Variants in ZNF644 observed in about 807,000 individuals in gnomAD.
The protein encoded by ZNF644 is zinc finger protein 644, also known as zinc finger motif enhancer binding protein 2.
In ZNF644, 20 loss-of-function variants were observed where a neutral mutation model predicts 108.0. The observed-to-expected ratio is 0.19, with a 90% CI of 0.13 to 0.27. The LOEUF is 0.27. ZNF644 is among the 10% of genes least tolerant of loss of function. The pLI is 1.00. For missense variants in ZNF644, 1,338 were observed against 1,548.9 expected (o/e 0.86, Z 2.29); for synonymous variants, 542 against 539.1 (o/e 1.01, Z -0.08).
At chr1:90,972,119 TAAAC>T (rs538176238) in intron 2 of ZNF644, among the ~76,000 whole-genome samples, 314 of 152,106 alleles carry the variant, frequency 2.1e-3, no homozygotes, top group African/African-American at 7.3e-3. Flanking sequence ...AGACTCTGTC[TAAAC>T]AAACAAACAA....
chr1:90,937,771 A>G lies in ZNF644; in HGVS notation c.3402T>C (p.Thr1134=), dbSNP rs142402770. 3.7e-6 allele frequency: 6 copies of G among 1,613,788 alleles called. No individual in the cohort carries two copies. Among genetic ancestry groups the G allele is most frequent in the Non-Finnish European group, 4.2e-6 (5 of 1,179,904 alleles). The change falls in exon 4 of 6, where the codon ACT becomes ACC. Residue 1134 remains threonine (T), a synonymous_variant. Coordinates refer to ENST00000337393, the MANE Select transcript of ZNF644 (RefSeq NM_201269.3). ...PLEAYRNGLK[T]EALSVSASEE... ...CTGATGCAGACACTGACAGAGCTTC[A>G]GTCTTTAGGCCATTACGGTATGCTT... is the stretch of plus-strand genomic sequence containing the variant.
chr1:90,939,324 A>C lies in ZNF644; in HGVS notation c.2030T>G (p.Ile677Ser). ...STSQSSSFSK[I>S]HKRPHRIQKA... ...CTGTATTCTGTGTGGCCGCTTATGA[A>C]TTTTTGAAAAACTACTTGATTGTGA... The change falls in exon 3 of 6, where the codon ATT becomes AGT. Residue 677 changes from isoleucine to serine, a missense_variant. Physicochemically the swap from Ile to Ser is moderately radical, Grantham distance 142 (BLOSUM62 -2). Coordinates refer to ENST00000337393, the MANE Select transcript of ZNF644 (RefSeq NM_201269.3). 6.2e-7 allele frequency: 1 copy of C among 1,613,998 alleles called. No individual in the cohort carries two copies. Among genetic ancestry groups the C allele is most frequent in the Non-Finnish European group, 8.5e-7 (1 of 1,179,944 alleles).
chr1:90,954,066 T>G (rs1653479346), intron 2 of ZNF644, among the ~76,000 whole-genome samples: 1 of 152,168 alleles, frequency 6.6e-6, no homozygotes, highest in African/African-American at 2.4e-5. Context: ...TGCTGAAGGT[T>G]GGGGTGGCTG....
intron 4 of ZNF644, among the ~76,000 whole-genome samples, chr1:90,932,811 A>G (rs921646474): frequency 6.6e-6 from 1 of 152,178 alleles, no homozygotes; most frequent in Non-Finnish European, 1.5e-5. Flanking sequence ...AATTTCCAAG[A>G]AAAAGAAGCA....
chr1:90,997,998 G>C (rs1376478453), intron 1 of ZNF644, among the ~76,000 whole-genome samples: 1 of 152,242 alleles, frequency 6.6e-6, no homozygotes, highest in Non-Finnish European at 1.5e-5. Context: ...GAGGCTGGGG[G>C]AGGGGTGCCC....
intron 4 of ZNF644, 152 bp downstream of exon 4, chr1:90,937,333 A>G: frequency 9.9e-7 from 1 of 1,010,802 alleles, no homozygotes; most frequent in Non-Finnish European, 1.5e-6. Flanking sequence ...TACAGAAATG[A>G]CAGTAGAATA....
chr1:91,008,846 G>A (rs1205507836), intron 1 of ZNF644, among the ~76,000 whole-genome samples: 8 of 152,146 alleles, frequency 5.3e-5, no homozygotes, highest in Admixed American at 5.2e-4. Flanking sequence ...AATAACCAAG[G>A]TTGAAAAGCA....
intron 2 of ZNF644, among the ~76,000 whole-genome samples, chr1:90,946,001 C>T (rs1431153914): frequency 2.0e-5 from 3 of 152,024 alleles, no homozygotes; most frequent in African/African-American, 7.2e-5. Flanking sequence ...GTCAGGTTTT[C>T]ACAAACCCTA....
At chr1:90,968,473 A>G (rs1435830777) in intron 2 of ZNF644, among the ~76,000 whole-genome samples, 1 of 152,186 alleles carries the variant, frequency 6.6e-6, no homozygotes, top group Non-Finnish European at 1.5e-5. Context: ...TGATAAACAG[A>G]CTTTTTACAA....
intron 4 of ZNF644, among the ~76,000 whole-genome samples, chr1:90,925,706 A>G (rs1278275724): frequency 6.6e-6 from 1 of 152,116 alleles, no homozygotes; most frequent in Non-Finnish European, 1.5e-5. Context: ...GTCAGTCAAA[A>G]TAGATCACCT....
chr1:90,927,311 C>T (rs1486324640), intron 4 of ZNF644, among the ~76,000 whole-genome samples: 1 of 152,092 alleles, frequency 6.6e-6, no homozygotes, highest in Admixed American at 6.6e-5. Context: ...GCATACTTAG[C>T]ACAGTTGGAG....
chr1:90,973,973 T>A (rs1655752923), intron 2 of ZNF644, among the ~76,000 whole-genome samples: 1 of 152,056 alleles, frequency 6.6e-6, no homozygotes, highest in South Asian at 2.1e-4. Flanking sequence ...AAGTAAGCCA[T>A]AAAATCTAGG....
intron 2 of ZNF644, among the ~76,000 whole-genome samples, chr1:90,980,189 C>T (rs981148573): frequency 3.3e-5 from 5 of 152,148 alleles, no homozygotes; most frequent in Non-Finnish European, 7.3e-5. Context: ...TACCTTCAAA[C>T]TCATACTCTA....
chr1:90,996,626 T>C (rs1253749311), intron 1 of ZNF644, among the ~76,000 whole-genome samples: 1 of 152,082 alleles, frequency 6.6e-6, no homozygotes, highest in Non-Finnish European at 1.5e-5. Context: ...CTCTAAATAA[T>C]GTTTAAAAAT....
At chr1:90,956,551 G>A (rs932071535) in intron 2 of ZNF644, among the ~76,000 whole-genome samples, 3 of 152,118 alleles carry the variant, frequency 2.0e-5, no homozygotes, top group African/African-American at 7.2e-5. Flanking sequence ...GCAGCATGTA[G>A]AGGAAAATTT....
At chr1:90,957,713 A>G (rs1653890712) in intron 2 of ZNF644, among the ~76,000 whole-genome samples, 1 of 152,214 alleles carries the variant, frequency 6.6e-6, no homozygotes, top group Non-Finnish European at 1.5e-5. Flanking sequence ...TAATATCAGT[A>G]AAGAGACAAG....
chr1:91,013,605 T>G (rs545332215), intron 1 of ZNF644, among the ~76,000 whole-genome samples: 88 of 152,274 alleles, frequency 5.8e-4, no homozygotes, highest in Non-Finnish European at 1.1e-3. Context: ...TTTATGGGAA[T>G]ATTCTTCTCA....
intron 2 of ZNF644, among the ~76,000 whole-genome samples, chr1:90,977,905 A>C (rs1656165227): frequency 6.6e-6 from 1 of 152,248 alleles, no homozygotes; most frequent in Non-Finnish European, 1.5e-5. Context: ...AGCAGAAAGA[A>C]AAAGATGTAG....
chr1:90,951,695 A>G (rs569942610), intron 2 of ZNF644, among the ~76,000 whole-genome samples: 1 of 152,302 alleles, frequency 6.6e-6, no homozygotes, highest in Admixed American at 6.5e-5. Context: ...CCCGCCTCCC[A>G]TAACACTTAA....
Sources: allele counts gnomAD v4.1 joint callset (sites outside exome capture counted in the v4.1 genomes callset), GRCh38; gene constraint gnomAD v4.1.1; transcripts MANE v1.5; gene names NCBI Gene and HGNC (gene_info 2026-07-23, HGNC 2026-07-21).